The following NOCT variants were observed in gnomAD, a reference collection of about 807,000 sequenced individuals.
The protein encoded by NOCT is CCR4 carbon catabolite repression 4-like.
A neutral mutation model predicts 35.0 loss-of-function variants in NOCT; 18 were observed. The ratio of observed to expected loss-of-function variants is 0.51; its 90% CI spans 0.36 to 0.76. NOCT has a LOEUF of 0.76. NOCT is among the 30% of genes least tolerant of loss of function. The probability of loss-of-function intolerance (pLI) is 0.01; values close to 1 mark genes in which losing one functional copy is unlikely to be tolerated. For missense variants in NOCT, 479 were observed against 541.0 expected, an observed-to-expected ratio of 0.89 and a Z score of 1.14; for synonymous variants, 235 against 226.3, an observed-to-expected ratio of 1.04 and a Z score of -0.34.
At chr4:139,025,030 ATTC>A (rs1411425724) in intron 1 of NOCT, among the ~76,000 whole-genome samples, 1 of 152,184 alleles carries the variant, frequency 6.6e-6, no homozygotes, top group African/African-American at 2.4e-5. Flanking sequence ...TTCCTTCTAT[ATTC>A]TTCAGTCCAA....
chr4:139,029,439 C>T (rs886516459), intron 1 of NOCT, among the ~76,000 whole-genome samples: 7 of 152,136 alleles, frequency 4.6e-5, no homozygotes, highest in African/African-American at 9.7e-5. Flanking sequence ...AACCGCAGGC[C>T]GAACTTCCTG....
intron 1 of NOCT, among the ~76,000 whole-genome samples, chr4:139,027,553 G>A (rs1726545971): frequency 6.6e-6 from 1 of 151,802 alleles, no homozygotes; most frequent in Non-Finnish European, 1.5e-5. Context: ...AGGCTGGAGT[G>A]CAGTGGCGCA....
In NOCT at chr4:139,020,378, G is replaced by T. The variant is rs115380135; in HGVS notation, c.190+4207G>T. On this transcript the variant is annotated intron_variant, in intron 1 of 2. Coordinates refer to ENST00000280614, the MANE Select transcript of NOCT (RefSeq NM_012118.4). The stretch of plus-strand genomic sequence containing the variant: ...GAAAGAAATCAGTGTGGCTGAATTT[G>T]TCAAGAAATGCTTTGCTTCTAATAG... 5.1e-3 allele frequency among the ~76,000 whole-genome samples: 783 copies of T among 152,282 alleles called. 11 individuals are homozygous for T. Among genetic ancestry groups the T allele is most frequent in the African/African-American group, 0.018 (749 of 41,546 alleles).
chr4:139,030,557 G>T (rs1054921433), intron 1 of NOCT, among the ~76,000 whole-genome samples: 7 of 152,168 alleles, frequency 4.6e-5, no homozygotes, highest in African/African-American at 1.7e-4. Context: ...AATGGGCCAG[G>T]TATAAGAAAA....
rs186938335 is a variant in NOCT, at chr4:139,016,080, C to A, written c.99C>A (p.Ser33=). 6.4e-5 allele frequency: 89 copies of A among 1,390,268 alleles called. No individual in the cohort carries two copies. The Admixed American group carries it at 2.4e-3, about 37-fold the overall frequency. 86.1% of individuals were successfully genotyped at this position (1,390,268 alleles called of 1,614,324 possible). Residue 33 remains serine (S), a synonymous_variant, in exon 1 of 3, where the codon TCC becomes TCA. Coordinates refer to ENST00000280614, the MANE Select transcript of NOCT (RefSeq NM_012118.4). ...LPAPGLRRPL[S]PPAAVPRPAS... ...CCCCAGGGCTGCGCCGCCCGTTGTCCCCGCCGGCTGCTGTTCCCAGGCCCG... is the reference window on the plus strand; with the variant it reads ...CCCCAGGGCTGCGCCGCCCGTTGTCACCGCCGGCTGCTGTTCCCAGGCCCG...
chr4:139,016,996 CTT>C lies in NOCT; in HGVS notation c.190+827_190+828del, dbSNP rs765164751. Among the ~76,000 whole-genome samples, 10 of 89,486 alleles carry C rather than the reference CTT, an allele frequency of 1.1e-4. No individual in the cohort carries two copies. The East Asian group carries it at 3.6e-3, about 32-fold the overall frequency. 58.7% of individuals were successfully genotyped at this position (89,486 alleles called of 152,430 possible). ...TTTTTTTTTTTTGGAGGCTTCCACT[CTT>C]TATAGTTAACATCATTTTTTGTCCT... On this transcript the variant is annotated intron_variant, in intron 1 of 2. Coordinates refer to ENST00000280614, the MANE Select transcript of NOCT (RefSeq NM_012118.4).
At chr4:139,019,863 C>T (rs1726377447) in intron 1 of NOCT, among the ~76,000 whole-genome samples, 1 of 152,196 alleles carries the variant, frequency 6.6e-6, no homozygotes, top group African/African-American at 2.4e-5. Context: ...CTCCACATCC[C>T]TCCTCCTCAG....
Position 139,016,175 on chromosome 4 carries a change from A to G in NOCT, c.190+4A>G. 2 of 1,241,234 alleles carry G rather than the reference A, an allele frequency of 1.6e-6. No homozygotes were observed. Among genetic ancestry groups the G allele is most frequent in the Non-Finnish European group, 2.0e-6 (2 of 992,312 alleles). 76.9% of individuals were successfully genotyped at this position (1,241,234 alleles called of 1,614,324 possible). The stretch of plus-strand genomic sequence containing the variant: ...GCGAGGTCGTGTTCCCGAACAGGTG[A>G]GTGCACCCCAGTTCCGGGCGGAGAA... On this transcript the variant is annotated splice_donor_region_variant and intron_variant, in intron 1 of 2. Coordinates refer to ENST00000280614, the MANE Select transcript of NOCT (RefSeq NM_012118.4).
chr4:139,029,381 A>AT (rs1351806743), intron 1 of NOCT, among the ~76,000 whole-genome samples: 1 of 152,250 alleles, frequency 6.6e-6, no homozygotes, highest in Non-Finnish European at 1.5e-5. Flanking sequence ...ATTTGGATTC[A>AT]GGCAGCCTAA....
intron 1 of NOCT, among the ~76,000 whole-genome samples, chr4:139,031,497 C>T (rs1227719182): frequency 1.3e-5 from 2 of 151,164 alleles, no homozygotes; most frequent in African/African-American, 4.9e-5. Context: ...GAATGGTGGG[C>T]CAAGTCAGTT....
intron 1 of NOCT, among the ~76,000 whole-genome samples, chr4:139,038,902 G>A (rs1490493842): frequency 6.6e-6 from 1 of 152,088 alleles, no homozygotes; most frequent in Non-Finnish European, 1.5e-5. Flanking sequence ...TCTGAAGCTT[G>A]TTCTCTAGTT....
At chr4:139,017,477 T>C (rs1346018235) in intron 1 of NOCT, among the ~76,000 whole-genome samples, 1 of 150,658 alleles carries the variant, frequency 6.6e-6, no homozygotes, top group Non-Finnish European at 1.5e-5. Flanking sequence ...AACCTCCCGC[T>C]TTGGCCTCCC....
intron 1 of NOCT, among the ~76,000 whole-genome samples, chr4:139,036,593 C>T (rs1726742878): frequency 6.6e-6 from 1 of 151,994 alleles, no homozygotes; most frequent in Non-Finnish European, 1.5e-5. Flanking sequence ...CTTATTATAC[C>T]CTAGTGATTC....
chr4:139,026,793 C>G (rs970909756), intron 1 of NOCT, among the ~76,000 whole-genome samples: 4 of 151,898 alleles, frequency 2.6e-5, no homozygotes, highest in African/African-American at 4.8e-5. Context: ...CTCAGGTGAT[C>G]TGCTCGCCTC....
intron 1 of NOCT, among the ~76,000 whole-genome samples, chr4:139,028,840 G>A (rs1726573346): frequency 6.6e-6 from 1 of 151,076 alleles, no homozygotes; most frequent in African/African-American, 2.5e-5. Flanking sequence ...TTCTCTTTTT[G>A]TTTTGTTTTG....
chr4:139,038,995 A>G (rs1158556764), intron 1 of NOCT, among the ~76,000 whole-genome samples: 2 of 152,010 alleles, frequency 1.3e-5, no homozygotes, highest in Non-Finnish European at 2.9e-5. Context: ...CTGTTAATGT[A>G]TTCGTGAGTG....
At chr4:139,039,436 CTT>C (rs1726795368) in intron 1 of NOCT, among the ~76,000 whole-genome samples, 1 of 151,272 alleles carries the variant, frequency 6.6e-6, no homozygotes, top group East Asian at 1.9e-4. Flanking sequence ...TTTGCAATGT[CTT>C]TTTTTCAATA....
At chr4:139,033,796 G>A (rs1260374600) in intron 1 of NOCT, among the ~76,000 whole-genome samples, 1 of 151,818 alleles carries the variant, frequency 6.6e-6, no homozygotes, top group East Asian at 1.9e-4. Context: ...GTGCAGTGGT[G>A]CAGTCATGGT....
chr4:139,034,612 C>T (rs1438036388), intron 1 of NOCT, among the ~76,000 whole-genome samples: 2 of 151,966 alleles, frequency 1.3e-5, no homozygotes, highest in Non-Finnish European at 2.9e-5. Flanking sequence ...GCTATGTCAC[C>T]CAGGCTGGAG....
Sources: gnomAD v4.1 joint callset for allele counts (sites outside exome capture counted in the v4.1 genomes callset) on GRCh38, gnomAD v4.1.1 for gene constraint, MANE v1.5 for transcripts, NCBI Gene and HGNC (gene_info 2026-07-23, HGNC 2026-07-21) for gene names.